The following DGKI variants were observed in gnomAD, a reference collection of about 807,000 sequenced individuals.
The protein encoded by DGKI is DAG kinase iota.
In DGKI, 55 loss-of-function variants were observed where a neutral mutation model predicts 147.5. The observed-to-expected ratio is 0.37, with a 90% CI of 0.30 to 0.47. The LOEUF (loss-of-function observed/expected upper bound fraction) is 0.47. DGKI is among the 20% of genes least tolerant of loss of function. DGKI has a pLI of 1.00. For synonymous variants in DGKI, 469 were observed against 477.1 expected (o/e 0.98, Z 0.22); for missense variants, 1,007 against 1,323.8 (o/e 0.76, Z 3.71).
chr7:137,516,810 T>A (rs910923839), intron 21 of DGKI, among the ~76,000 whole-genome samples: 2 of 152,056 alleles, frequency 1.3e-5, no homozygotes, highest in Admixed American at 1.3e-4. Context: ...GTTAACAAAT[T>A]CAGTTGAGCT....
intron 28 of DGKI, among the ~76,000 whole-genome samples, chr7:137,430,746 A>C (rs1344543888): frequency 1.3e-5 from 2 of 152,146 alleles, no homozygotes; most frequent in African/African-American, 4.8e-5. Context: ...CTGGGGGTAC[A>C]GATTTCTATA....
intron 1 of DGKI, among the ~76,000 whole-genome samples, chr7:137,696,915 T>C (rs930270136): frequency 4.6e-5 from 7 of 152,028 alleles, no homozygotes; most frequent in African/African-American, 1.7e-4. Context: ...AAGGGGAGAT[T>C]TGGACCCAGA....
intron 28 of DGKI, among the ~76,000 whole-genome samples, chr7:137,429,538 A>C (rs1459902953): frequency 3.3e-5 from 5 of 151,002 alleles, no homozygotes; most frequent in Admixed American, 6.6e-5. Flanking sequence ...GCAACAAAAG[A>C]CAAAATTGAC....
At chr7:137,571,349 T>A in intron 18 of DGKI, 63 bp from the exon 19 acceptor site, 14 of 1,179,028 alleles carry the variant, frequency 1.2e-5, no homozygotes, top group Non-Finnish European at 1.6e-5. Context: ...TATCATGAGG[T>A]GTTAGTTTGT....
At chr7:137,487,722 A>T (rs1815618340) in intron 21 of DGKI, 33 bp from the exon 22 acceptor site, 11 of 1,578,850 alleles carry the variant, frequency 7.0e-6, no homozygotes, top group Non-Finnish European at 9.6e-6. Flanking sequence ...AATCTAAAAT[A>T]ACATATTTGA....
chr7:137,398,130 A>C (rs1811620363), intron 30 of DGKI, among the ~76,000 whole-genome samples: 1 of 152,166 alleles, frequency 6.6e-6, no homozygotes, highest in Admixed American at 6.5e-5. Context: ...AAAGCCCTTC[A>C]TGATCCCACT....
intron 15 of DGKI, among the ~76,000 whole-genome samples, chr7:137,581,455 C>T (rs1393976901): frequency 6.6e-6 from 1 of 152,064 alleles, no homozygotes; most frequent in African/African-American, 2.4e-5. Flanking sequence ...TAGTATTGCA[C>T]TTTAATAGTG....
intron 3 of DGKI, among the ~76,000 whole-genome samples, chr7:137,659,218 T>G (rs1189698939): frequency 1.3e-5 from 2 of 152,178 alleles, no homozygotes; most frequent in Non-Finnish European, 2.9e-5. Flanking sequence ...ATCAGATAAT[T>G]ACAGTTTACA....
At chr7:137,620,509 G>C (rs577662762) in intron 7 of DGKI, among the ~76,000 whole-genome samples, 1 of 152,096 alleles carries the variant, frequency 6.6e-6, no homozygotes, top group African/African-American at 2.4e-5. Context: ...AAAGAAGCAT[G>C]ATGTCTCTTC....
intron 31 of DGKI, among the ~76,000 whole-genome samples, chr7:137,397,015 A>G (rs560648348): frequency 6.6e-6 from 1 of 152,296 alleles, no homozygotes; most frequent in African/African-American, 2.4e-5. Context: ...GTAGGGCCCC[A>G]TTTTTTCAGA....
chr7:137,589,867 G>A (rs1007823802), intron 12 of DGKI, among the ~76,000 whole-genome samples: 9 of 152,098 alleles, frequency 5.9e-5, no homozygotes, highest in African/African-American at 7.2e-5. Flanking sequence ...TTTATGATTT[G>A]TGCTCCCAAG....
At chr7:137,735,158 C>T (rs1426589763) in intron 1 of DGKI, among the ~76,000 whole-genome samples, 1 of 152,082 alleles carries the variant, frequency 6.6e-6, no homozygotes, top group Non-Finnish European at 1.5e-5. Context: ...ATTTAACACC[C>T]TTTAGGGGTG....
chr7:137,781,434 T>G (rs1416770782), intron 1 of DGKI, among the ~76,000 whole-genome samples: 1 of 152,230 alleles, frequency 6.6e-6, no homozygotes, highest in African/African-American at 2.4e-5. Context: ...GACTAACAAT[T>G]CATCAGCAGT....
intron 28 of DGKI, among the ~76,000 whole-genome samples, chr7:137,413,791 A>G (rs962031960): frequency 3.3e-5 from 5 of 152,144 alleles, no homozygotes; most frequent in Admixed American, 2.6e-4. Flanking sequence ...TCCTTTATGT[A>G]TATGCCCAGT....
At chr7:137,761,065 C>T (rs1209450022) in intron 1 of DGKI, among the ~76,000 whole-genome samples, 3 of 152,128 alleles carry the variant, frequency 2.0e-5, no homozygotes, top group African/African-American at 4.8e-5. Flanking sequence ...CTAGTTGGCC[C>T]GTATTACCCT....
At chr7:137,400,295 A>G (rs192601116) in intron 30 of DGKI, among the ~76,000 whole-genome samples, 22 of 152,320 alleles carry the variant, frequency 1.4e-4, no homozygotes, top group African/African-American at 4.8e-4. Flanking sequence ...AAGAAATTCC[A>G]TGAACATGAG....
At chr7:137,485,005 T>C (rs2128935343) in intron 23 of DGKI, among the ~76,000 whole-genome samples, 1 of 151,894 alleles carries the variant, frequency 6.6e-6, no homozygotes, top group East Asian at 1.9e-4. Context: ...GAAAGTGGAG[T>C]GTGAGCCATG....
chr7:137,567,264 CA>C (rs3083517), intron 19 of DGKI, among the ~76,000 whole-genome samples: 4,202 of 124,488 alleles, frequency 0.034, 149 homozygotes, highest in East Asian at 0.12. Flanking sequence ...AACTCCATCT[CA>C]AAAAAAAAAA....
intron 28 of DGKI, among the ~76,000 whole-genome samples, chr7:137,427,045 T>C (rs4728410): frequency 0.41 from 60,907 of 147,734 alleles, 12,966 homozygotes; most frequent in East Asian, 0.73. Flanking sequence ...CTGCACCAAG[T>C]GGACCTAATA....
Sources: allele counts gnomAD v4.1 joint callset (sites outside exome capture counted in the v4.1 genomes callset), GRCh38; gene constraint gnomAD v4.1.1; transcripts MANE v1.5; gene names NCBI Gene and HGNC (gene_info 2026-07-23, HGNC 2026-07-21).